The following ELK3 variants were observed in gnomAD, a reference collection of about 807,000 sequenced individuals.
ELK3 encodes the protein ETS domain-containing protein Elk-3.
A neutral mutation model predicts 28.9 loss-of-function variants in ELK3; 10 were observed. That is an observed-to-expected ratio of 0.35 (90% confidence interval 0.21 to 0.59). The LOEUF is 0.59. ELK3 is among the 20% of genes least tolerant of loss of function. The pLI, the probability that ELK3 is intolerant of heterozygous loss-of-function variation, is 0.82. For missense variants in ELK3, 463 were observed against 517.3 expected (o/e 0.90, Z 1.02); for synonymous variants, 272 against 243.5 (o/e 1.12, Z -1.09).
At chr12:96,257,113 G>C (rs1455189246) in intron 3 of ELK3, among the ~76,000 whole-genome samples, 1 of 152,222 alleles carries the variant, frequency 6.6e-6, no homozygotes, top group Admixed American at 6.5e-5. Flanking sequence ...ACTTTTTGCT[G>C]TGGCTTCTTT....
intron 1 of ELK3, among the ~76,000 whole-genome samples, chr12:96,206,800 T>C (rs1452729626): frequency 6.6e-6 from 1 of 152,194 alleles, no homozygotes; most frequent in African/African-American, 2.4e-5. Context: ...GGGGTACAGA[T>C]TGATGTTTGA....
At chr12:96,210,597 A>ACACACCC (rs1416746905) in intron 1 of ELK3, among the ~76,000 whole-genome samples, 4 of 148,954 alleles carry the variant, frequency 2.7e-5, no homozygotes, top group Admixed American at 2.0e-4. Flanking sequence ...ACACACACAC[A>ACACACCC]CCCCGAGTGG....
chr12:96,229,819 C>A (rs919680434), intron 2 of ELK3, among the ~76,000 whole-genome samples: 8 of 152,054 alleles, frequency 5.3e-5, no homozygotes, highest in African/African-American at 1.9e-4. Context: ...TGTGAGCCAC[C>A]GTGCCTGGCC....
At chr12:96,228,004 A>G (rs1951715855) in intron 2 of ELK3, among the ~76,000 whole-genome samples, 1 of 152,212 alleles carries the variant, frequency 6.6e-6, no homozygotes, top group Non-Finnish European at 1.5e-5. Context: ...AACATTGCAG[A>G]CAGTGCAAAG....
intron 1 of ELK3, among the ~76,000 whole-genome samples, chr12:96,200,233 A>G (rs1323300997): frequency 1.3e-5 from 2 of 152,152 alleles, no homozygotes; most frequent in Non-Finnish European, 2.9e-5. Context: ...TTGAAACTAT[A>G]TAGTATTATA....
At chr12:96,222,493 G>A (rs1437420508) in intron 1 of ELK3, among the ~76,000 whole-genome samples, 1 of 152,192 alleles carries the variant, frequency 6.6e-6, no homozygotes, top group African/African-American at 2.4e-5. Context: ...GGTGAGTGCC[G>A]GGAAAGGGAA....
In ELK3 at chr12:96,247,813, C is replaced by T. The variant is rs539886897; in HGVS notation, c.1002+79C>T. On this transcript the variant is annotated intron_variant, in intron 3 of 4. Coordinates refer to ENST00000228741, the MANE Select transcript of ELK3 (RefSeq NM_005230.4). This position sits in a 1 kb window ranked among gnomAD's most constrained non-coding sequence, Gnocchi z 5.5. ...AAAGGAAGAGCAACTAAAGAGACTTCCTTCTGTCCCTCAAAACGTTGTCCT... is the reference window on the plus strand; with the variant it reads ...AAAGGAAGAGCAACTAAAGAGACTTTCTTCTGTCCCTCAAAACGTTGTCCT... The T allele has an allele frequency of 3.6e-6, 5 of 1,405,236 alleles. No homozygotes were observed. The Admixed American group carries it at 8.5e-5, about 24-fold the overall frequency. The allele number at this position is 1,405,236 out of a possible 1,614,324, so 87.0% of individuals were successfully genotyped here.
chr12:96,228,492 T>C (rs1259065103), intron 2 of ELK3, among the ~76,000 whole-genome samples: 1 of 147,988 alleles, frequency 6.8e-6, no homozygotes, highest in Non-Finnish European at 1.5e-5. Context: ...CACATGGAGA[T>C]AGGGAAACGC....
chr12:96,212,466 C>A (rs11108441), intron 1 of ELK3, among the ~76,000 whole-genome samples: 3 of 152,168 alleles, frequency 2.0e-5, no homozygotes, highest in African/African-American at 7.2e-5. Context: ...TTTTTTATAG[C>A]CCCACTCATC....
intron 1 of ELK3, among the ~76,000 whole-genome samples, chr12:96,219,606 C>T (rs992565310): frequency 6.6e-6 from 1 of 152,188 alleles, no homozygotes; most frequent in Non-Finnish European, 1.5e-5. Context: ...CCCACCTGTC[C>T]CCCTACCCAA....
intron 1 of ELK3, among the ~76,000 whole-genome samples, chr12:96,203,245 T>G (rs967261804): frequency 6.6e-6 from 1 of 152,228 alleles, no homozygotes; most frequent in African/African-American, 2.4e-5. Flanking sequence ...TATTCATTAA[T>G]GCTATTTTCT....
intron 1 of ELK3, 151 bp from the exon 2 acceptor site, chr12:96,223,414 C>T: frequency 1.5e-6 from 1 of 672,472 alleles, no homozygotes; most frequent in Non-Finnish European, 2.5e-6. Context: ...TCAGAGTGGC[C>T]CCTTGAGATG....
At chr12:96,215,535 G>C (rs1189035210) in intron 1 of ELK3, among the ~76,000 whole-genome samples, 1 of 151,620 alleles carries the variant, frequency 6.6e-6, no homozygotes, top group African/African-American at 2.4e-5. Context: ...CAATATTTCT[G>C]TCAATAGCAT....
chr12:96,261,458 T>G (rs4762293), intron 4 of ELK3, among the ~76,000 whole-genome samples: 32,911 of 152,144 alleles, frequency 0.22, 4,444 homozygotes, highest in Middle Eastern at 0.33. Context: ...GGTGGAGAGA[T>G]AAAAACACCT....
chr12:96,243,113 C>T (rs760300853), intron 2 of ELK3, among the ~76,000 whole-genome samples: 1 of 152,170 alleles, frequency 6.6e-6, no homozygotes, highest in African/African-American at 2.4e-5. Context: ...CACTTAAACA[C>T]GTAAAATACT....
chr12:96,239,053 T>C (rs1951802310), intron 2 of ELK3, among the ~76,000 whole-genome samples: 1 of 152,192 alleles, frequency 6.6e-6, no homozygotes, highest in African/African-American at 2.4e-5. Context: ...GACCTTGGGC[T>C]AGTCAGCTTT....
rs560275242 is a variant in ELK3, at chr12:96,223,521, G to A, written c.-2-44G>A. 4.7e-5 allele frequency: 76 copies of A among 1,601,556 alleles called. 2 individuals are homozygous for A. In the South Asian group the frequency reaches 6.8e-4, roughly 14 times the overall value. On this transcript the variant is annotated intron_variant, in intron 1 of 4. Coordinates refer to ENST00000228741, the MANE Select transcript of ELK3 (RefSeq NM_005230.4). The stretch of plus-strand genomic sequence containing the variant: ...CCCTCTCTCCTCGCCAAGTTTGGTC[G>A]GCATCGTGACCAGCAGCTCTGACCT...
chr12:96,262,802 TA>T (rs1361885065), intron 4 of ELK3, among the ~76,000 whole-genome samples: 1 of 152,080 alleles, frequency 6.6e-6, no homozygotes, highest in Non-Finnish European at 1.5e-5. Context: ...CAGTGCCTCT[TA>T]TTTTTTTAAG....
chr12:96,209,136 G>T (rs1036824546), intron 1 of ELK3, among the ~76,000 whole-genome samples: 1 of 152,244 alleles, frequency 6.6e-6, no homozygotes, highest in Non-Finnish European at 1.5e-5. Context: ...CAGGGCAGAC[G>T]TGATGTTAAA....
Sources: allele counts gnomAD v4.1 joint callset (sites outside exome capture counted in the v4.1 genomes callset), GRCh38; gene constraint gnomAD v4.1.1; non-coding constraint Gnocchi (gnomAD v3.1); transcripts MANE v1.5; gene names NCBI Gene and HGNC (gene_info 2026-07-23, HGNC 2026-07-21).